PLEKHA1: variants seen among roughly 807,000 people sequenced by gnomAD.
The protein encoded by PLEKHA1 is pleckstrin homology domain-containing family A member 1.
A neutral mutation model predicts 52.0 loss-of-function variants in PLEKHA1; 34 were observed. The ratio of observed to expected loss-of-function variants is 0.65; its 90% CI spans 0.50 to 0.87. PLEKHA1 has a LOEUF of 0.87. Ranked by LOEUF, PLEKHA1 falls within the 40% of genes least tolerant of loss-of-function variation. The pLI is 0.00. For missense variants in PLEKHA1, 497 were observed against 504.2 expected (o/e 0.99, Z 0.14); for synonymous variants, 163 against 170.7 (o/e 0.95, Z 0.35).
intron 8 of PLEKHA1, chr10:122,423,045 CTT>C (rs2097282785): frequency 1.3e-5 from 2 of 151,202 alleles, no homozygotes; most frequent in Non-Finnish European, 2.9e-5. Flanking sequence ...TTCTCAGTCT[CTT>C]ATTAAGTGTG....
At chr10:122,403,402 G>A (rs2096958659) in intron 4 of PLEKHA1, among the ~76,000 whole-genome samples, 1 of 152,116 alleles carries the variant, frequency 6.6e-6, no homozygotes, top group Non-Finnish European at 1.5e-5. Context: ...CTCAGGTTGT[G>A]AGATGATTTT....
chr10:122,436,250 A>C (rs1259003641), downstream of PLEKHA1: 1 of 152,230 alleles, frequency 6.6e-6, no homozygotes, highest in Non-Finnish European at 1.5e-5. Context: ...AGTTGAATTC[A>C]GTCTGTTTTC....
downstream of PLEKHA1, chr10:122,434,315 T>C (rs2097430206): frequency 6.6e-6 from 1 of 152,326 alleles, no homozygotes. Flanking sequence ...TAACAATACA[T>C]GGTTCAAGGA....
intron 4 of PLEKHA1, among the ~76,000 whole-genome samples, chr10:122,404,558 A>G (rs1228091592): frequency 7.2e-5 from 11 of 152,236 alleles, no homozygotes; most frequent in African/African-American, 2.7e-4. Context: ...CCTAAGCTGA[A>G]AAAAGATTAT....
rs2096800648 is a variant in PLEKHA1 at position 122,393,310 on chromosome 10, A to G, written c.110A>G (p.Asp37Gly). Residue 37 changes from aspartate to glycine, a missense_variant, in exon 2 of 12, where the codon GAT becomes GGT. Coordinates refer to ENST00000368990, the MANE Select transcript of PLEKHA1 (RefSeq NM_001001974.4). The surrounding 1 kb of genome is among the most constrained non-coding windows in gnomAD (Gnocchi z 4.5). ...TACTTCATACTGGATACCAGAGAAG[A>G]TAGTTTCGTGTGGTACATGGATAAT... ...RRYFILDTRE[D>G]SFVWYMDNPQ... 1 of 1,612,452 alleles carries G rather than the reference A, an allele frequency of 6.2e-7. No homozygotes were observed. Among genetic ancestry groups the G allele is most frequent in the South Asian group, 1.1e-5 (1 of 90,528 alleles).
chr10:122,394,836 G>A (rs1401543927), intron 2 of PLEKHA1, among the ~76,000 whole-genome samples: 1 of 152,104 alleles, frequency 6.6e-6, no homozygotes, highest in Non-Finnish European at 1.5e-5. Context: ...TTTACTTGAA[G>A]CTCCTTGATT....
intron 8 of PLEKHA1, 28 bp from the exon 9 acceptor site, chr10:122,424,171 G>GTTTCTTTTTTTTTTT: frequency 1.0e-6 from 1 of 953,376 alleles, no homozygotes; most frequent in Non-Finnish European, 1.4e-6. Context: ...TCATGTAACT[G>GTTTCTTTTTTTTTTT]TTTTTTTTTT....
At position 122,415,884 on chromosome 10, in the gene PLEKHA1, A is replaced by T. The variant is rs2133176900; in HGVS notation, c.494A>T (p.Glu165Val). Reference sequence around the variant, plus strand: ...AAAGAAGAAGTAAATGAATGTGGTGAAAGTATTGACAGAAATAATCTGAAA... The same window carrying T: ...AAAGAAGAAGTAAATGAATGTGGTGTAAGTATTGACAGAAATAATCTGAAA... ...TQKEEVNECG[E>V]SIDRNNLKRS... Residue 165 changes from glutamate to valine, a missense_variant, in exon 7 of 12, where the codon GAA becomes GTA. By Grantham distance (121) the Glu-to-Val change is moderately radical. Transcript: ENST00000368990. The T allele has an allele frequency of 6.2e-7, 1 of 1,612,392 alleles. No individual in the cohort carries two copies. The highest frequency in any genetic ancestry group is 8.5e-7 in the Non-Finnish European group (1 of 1,178,798).
intron 6 of PLEKHA1, among the ~76,000 whole-genome samples, chr10:122,413,400 A>AT (rs987876423): frequency 2.0e-5 from 3 of 152,022 alleles, no homozygotes; most frequent in African/African-American, 7.2e-5. Flanking sequence ...TCTTCCATGG[A>AT]TTTACCATAA....
At chr10:122,427,579 C>T (rs185740832) in intron 11 of PLEKHA1, among the ~76,000 whole-genome samples, 4 of 152,274 alleles carry the variant, frequency 2.6e-5, no homozygotes, top group African/African-American at 9.6e-5. Context: ...CATTTTAAAA[C>T]CTGCTTTAAC....
chr10:122,377,849 A>G (rs1053588576), intron 1 of PLEKHA1, among the ~76,000 whole-genome samples: 26 of 152,350 alleles, frequency 1.7e-4, no homozygotes, highest in Non-Finnish European at 1.9e-4. Context: ...AATTGATAAT[A>G]TTCAGGAAGA....
intron 11 of PLEKHA1, chr10:122,428,168 G>T: frequency 9.5e-7 from 1 of 1,053,664 alleles, no homozygotes. Flanking sequence ...GTGCTTTGTG[G>T]TGGGGGCAGA....
chr10:122,379,525 TTC>T (rs10533794), intron 1 of PLEKHA1, among the ~76,000 whole-genome samples: 14,160 of 152,288 alleles, frequency 0.093, 776 homozygotes, highest in Middle Eastern at 0.17. Context: ...CATGAGTGAT[TTC>T]TGTTAGAGGC....
At chr10:122,418,365 TTAAGTA>T in intron 8 of PLEKHA1, 1 of 162,354 alleles carries the variant, frequency 6.2e-6, no homozygotes, top group South Asian at 1.8e-4. Context: ...AGGAACTATA[TTAAGTA>T]TAATAGAAGC....
At chr10:122,398,593 T>TTG (rs10653605) in intron 3 of PLEKHA1, among the ~76,000 whole-genome samples, 5,436 of 147,560 alleles carry the variant, frequency 0.037, 122 homozygotes, top group African/African-American at 0.059. Flanking sequence ...CCCTATGGGT[T>TTG]TGTGTGTGTG....
downstream of PLEKHA1, chr10:122,436,513 A>G (rs902040765): frequency 1.3e-5 from 2 of 152,246 alleles, no homozygotes; most frequent in South Asian, 4.1e-4. Context: ...GTATAGGCTA[A>G]CAGGTTTTTT....
At chr10:122,378,829 GT>G (rs112141229) in intron 1 of PLEKHA1, among the ~76,000 whole-genome samples, 1 of 151,484 alleles carries the variant, frequency 6.6e-6, no homozygotes, top group Non-Finnish European at 1.5e-5. Flanking sequence ...CAATTTAAAG[GT>G]TTTTTTTCCC....
At chr10:122,394,256 A>G (rs1399801219) in intron 2 of PLEKHA1, among the ~76,000 whole-genome samples, 1 of 151,530 alleles carries the variant, frequency 6.6e-6, no homozygotes, top group Admixed American at 6.6e-5. Flanking sequence ...TTGTATTTTT[A>G]GTAGAGACAG....
chr10:122,437,714 C>T, the PLEKHA1 span: 1 of 152,178 alleles, frequency 6.6e-6, no homozygotes, highest in Non-Finnish European at 1.5e-5. Flanking sequence ...GTCTTAGAAG[C>T]CAAGTGAAGA....
Sources: allele counts gnomAD v4.1 joint callset (sites outside exome capture counted in the v4.1 genomes callset), GRCh38; gene constraint gnomAD v4.1.1; non-coding constraint Gnocchi (gnomAD v3.1); transcripts MANE v1.5; gene names NCBI Gene and HGNC (gene_info 2026-07-23, HGNC 2026-07-21).